Variants in HDAC5 observed in about 807,000 individuals in gnomAD.
HDAC5 encodes the protein antigen NY-CO-9.
A neutral mutation model predicts 133.3 loss-of-function variants in HDAC5; 25 were observed. That is an observed-to-expected ratio of 0.19 (90% confidence interval 0.14 to 0.26). The LOEUF (loss-of-function observed/expected upper bound fraction) is 0.26. HDAC5 is among the 10% of genes least tolerant of loss of function. HDAC5 has a pLI of 1.00. For missense variants in HDAC5, 1,041 were observed against 1,460.5 expected (o/e 0.71, Z 4.68); for synonymous variants, 589 against 610.8 (o/e 0.96, Z 0.53).
intron 2 of HDAC5, chr17:44,111,686 C>T (rs1567687214): frequency 1.9e-6 from 1 of 516,760 alleles, no homozygotes; most frequent in African/African-American, 1.9e-5. Flanking sequence ...TTCTGCCCTC[C>T]CACAGAGTTG....
intron 3 of HDAC5, among the ~76,000 whole-genome samples, chr17:44,110,226 T>G (rs1039233000): frequency 6.6e-6 from 1 of 152,178 alleles, no homozygotes; most frequent in African/African-American, 2.4e-5. Context: ...AAGTGTCTGA[T>G]TCTCAAGAGA....
At chr17:44,080,618 G>T in intron 21 of HDAC5, 120 bp from the exon 22 acceptor site, 1 of 1,461,546 alleles carries the variant, frequency 6.8e-7, no homozygotes, top group Non-Finnish European at 9.5e-7. Context: ...TGGAGGGGCA[G>T]TCAGATCAGT....
At position 44,092,854 on chromosome 17, in the gene HDAC5, C is replaced by A; in HGVS notation, c.642-48G>T. 3.8e-6 allele frequency: 3 copies of A among 795,240 alleles called. No individual in the cohort carries two copies. In the South Asian group the frequency reaches 5.9e-5, roughly 16 times the overall value. 49.3% of individuals were successfully genotyped at this position (795,240 alleles called of 1,614,324 possible). On this transcript the variant is annotated intron_variant, in intron 6 of 26. Coordinates refer to ENST00000682912, the MANE Select transcript of HDAC5 (RefSeq NM_005474.5). ...ATGGAAGCAGATCTAGGTTATCACC[C>A]AGTCTGCTGGACCTGCCACCTGGCA... is the stretch of plus-strand genomic sequence containing the variant.
intron 14 of HDAC5, 78 bp downstream of exon 14, chr17:44,086,493 TC>T: frequency 1.7e-6 from 2 of 1,200,314 alleles, no homozygotes; most frequent in Middle Eastern, 3.2e-4. Context: ...AGCAGCCTCT[TC>T]CCCCTGCCAT....
rs748817165 is a variant in HDAC5 at position 44,079,269 on chromosome 17, G to A, written c.2953C>T (p.His985Tyr). ...AGGGTCATCAGCTGCCTGGTCAAGT[G>A]GCCAAAACCTTTGAGGATGGGTGAA... ...GYSVTARCFG[H>Y]LTRQLMTLAG... Residue 985 changes from histidine (H) to tyrosine (Y), a missense_variant, in exon 24 of 27, where the codon CAC becomes TAC. Coordinates refer to ENST00000682912, the MANE Select transcript of HDAC5 (RefSeq NM_005474.5). 10 of 1,613,472 alleles carry A rather than the reference G, an allele frequency of 6.2e-6. No homozygotes were observed. The highest frequency in any genetic ancestry group is 8.5e-6 in the Non-Finnish European group (10 of 1,179,712).
Position 44,117,456 on chromosome 17 carries a change from T to A in HDAC5, c.22+38A>T. ...CCACACAGCCCATTGCATCCGAAGC[T>A]ACCCCAGGGTGCTCTTCTCCAACCT... is the stretch of plus-strand genomic sequence containing the variant. On this transcript the variant is annotated intron_variant, in intron 2 of 26. Transcript: ENST00000682912. The surrounding 1 kb of genome is among the most constrained non-coding windows in gnomAD (Gnocchi z 4.2). 1 of 1,613,062 alleles carries A rather than the reference T, an allele frequency of 6.2e-7. No individual in the cohort carries two copies. The highest frequency in any genetic ancestry group is 8.5e-7 in the Non-Finnish European group (1 of 1,179,030).
At position 44,117,375 on chromosome 17, in the gene HDAC5, C is replaced by T. The variant is rs888043624; in HGVS notation, c.22+119G>A. 6.4e-6 allele frequency: 7 copies of T among 1,096,580 alleles called. No individual in the cohort carries two copies. The African/African-American group carries it at 7.7e-5, about 12-fold the overall frequency. The allele number at this position is 1,096,580 out of a possible 1,614,324, so 67.9% of individuals were successfully genotyped here. On this transcript the variant is annotated intron_variant, in intron 2 of 26. Transcript: ENST00000682912. This position sits in a 1 kb window ranked among gnomAD's most constrained non-coding sequence, Gnocchi z 4.2. ...TCTTGCAACACTTCTCCACTCCTTA[C>T]CCCCTCATTCCCTTATAGCTCAGAC... is the stretch of plus-strand genomic sequence containing the variant.
intron 3 of HDAC5, among the ~76,000 whole-genome samples, chr17:44,094,739 T>C (rs981984577): frequency 2.3e-5 from 2 of 85,890 alleles, no homozygotes; most frequent in Non-Finnish European, 6.5e-5. Context: ...TATATATGTG[T>C]GTACGTATGT....
intron 2 of HDAC5, chr17:44,116,006 A>G (rs944777280): frequency 7.2e-5 from 11 of 152,380 alleles, no homozygotes; most frequent in African/African-American, 2.6e-4. Context: ...GTAACCCAAT[A>G]ACTTCATCTA....
At chr17:44,103,786 G>A (rs2051766550) in intron 3 of HDAC5, among the ~76,000 whole-genome samples, 3 of 150,674 alleles carry the variant, frequency 2.0e-5, no homozygotes, top group Non-Finnish European at 4.4e-5. Context: ...TCGGCTCACT[G>A]CAATCCCTGC....
chr17:44,121,276 G>C (rs964433957), intron 1 of HDAC5, among the ~76,000 whole-genome samples: 2 of 152,038 alleles, frequency 1.3e-5, no homozygotes, highest in African/African-American at 4.8e-5. Flanking sequence ...GGCTGGGCCT[G>C]GGGTGAGGTG....
In HDAC5 at chr17:44,078,780, C is replaced by A; in HGVS notation, c.3163+15G>T. ...CCCCTTGGCAGCCTGAGCCCCTCTA[C>A]GTGTCCTCACGCACTCTGGATCTCG... On this transcript the variant is annotated intron_variant, in intron 25 of 26. Coordinates refer to ENST00000682912, the MANE Select transcript of HDAC5 (RefSeq NM_005474.5). 6.2e-7 allele frequency: 1 copy of A among 1,613,390 alleles called. No homozygotes were observed. Among genetic ancestry groups the A allele is most frequent in the Non-Finnish European group, 8.5e-7 (1 of 1,179,400 alleles).
At chr17:44,083,755 A>G (rs1471583529) in intron 17 of HDAC5, 50 bp downstream of exon 17, 1 of 1,588,998 alleles carries the variant, frequency 6.3e-7, no homozygotes, top group Admixed American at 1.7e-5. Flanking sequence ...GGGAAGAGAC[A>G]GACCTAGGAG....
chr17:44,113,524 C>T (rs1460483407), intron 2 of HDAC5, among the ~76,000 whole-genome samples: 1 of 152,150 alleles, frequency 6.6e-6, no homozygotes, highest in East Asian at 1.9e-4. Context: ...TAATGTCTAA[C>T]TTCAATCCTT....
chr17:44,104,365 C>A (rs1356261958), intron 3 of HDAC5, among the ~76,000 whole-genome samples: 1 of 151,726 alleles, frequency 6.6e-6, no homozygotes, highest in Non-Finnish European at 1.5e-5. Flanking sequence ...TTAAGAATTC[C>A]CAAATCTTTT....
chr17:44,106,169 G>A (rs1206614795), intron 3 of HDAC5, among the ~76,000 whole-genome samples: 14 of 152,152 alleles, frequency 9.2e-5, no homozygotes, highest in Admixed American at 9.2e-4. Context: ...AGGGACAGCT[G>A]AGGGTCTCAA....
Position 44,117,495 on chromosome 17 carries a change from C to G in HDAC5, c.21G>C (p.Ser7=), listed in dbSNP as rs1452668000. ...CTTCTCCAACCTCCCAGCTCTTACC[C>G]GACTCGTTGGGAGAGTTCATGCCGG... The part of the protein sequence containing the change: MNSPNE[S]DGMSGREPSL... Residue 7 remains serine (S), a splice_region_variant and synonymous_variant, in exon 2 of 27, where the codon TCG becomes TCC. Coordinates refer to ENST00000682912, the MANE Select transcript of HDAC5 (RefSeq NM_005474.5). This position sits in a 1 kb window ranked among gnomAD's most constrained non-coding sequence, Gnocchi z 4.2. The G allele has an allele frequency of 9.9e-6, 16 of 1,613,972 alleles. No homozygotes were observed. The highest frequency in any genetic ancestry group is 1.7e-5 in the Admixed American group (1 of 60,000).
chr17:44,083,899 G>A (rs754467214), intron 16 of HDAC5, 45 bp from the exon 17 acceptor site: 25 of 1,543,704 alleles, frequency 1.6e-5, no homozygotes, highest in South Asian at 1.0e-4. Flanking sequence ...GGCCTCGGGC[G>A]GATCACCTGA....
At position 44,078,275 on chromosome 17, in the gene HDAC5, A is replaced by C; in HGVS notation, c.*101T>G. On this transcript the variant is annotated 3_prime_UTR_variant, in exon 27 of 27. Coordinates refer to ENST00000682912, the MANE Select transcript of HDAC5 (RefSeq NM_005474.5). ...GGAGCAGGAGGGGCAAGGCTGAGAG[A>C]CCCACACGGCACACCTTGTTGAATG... The C allele has an allele frequency of 1.6e-6, 2 of 1,273,422 alleles. No individual in the cohort carries two copies. The highest frequency in any genetic ancestry group is 3.0e-5 in the Admixed American group (1 of 33,310). The allele number at this position is 1,273,422 out of a possible 1,614,324, so 78.9% of individuals were successfully genotyped here.
Sources: gnomAD v4.1 joint callset for allele counts (sites outside exome capture counted in the v4.1 genomes callset) on GRCh38, gnomAD v4.1.1 for gene constraint, Gnocchi (gnomAD v3.1) non-coding constraint, MANE v1.5 for transcripts, NCBI Gene and HGNC (gene_info 2026-07-23, HGNC 2026-07-21) for gene names.